SORCS2: variants seen among roughly 807,000 people sequenced by gnomAD.
The protein encoded by SORCS2 is VPS10 domain-containing receptor SorCS2.
Under a neutral mutation model 141.6 loss-of-function variants are expected in SORCS2, and 100 were observed. The observed-to-expected ratio is 0.71, with a 90% CI of 0.60 to 0.83. The LOEUF (loss-of-function observed/expected upper bound fraction) is 0.83. Ranked by LOEUF, SORCS2 falls within the 40% of genes least tolerant of loss-of-function variation. The pLI is 0.00. For missense variants in SORCS2, 1,646 were observed against 1,560.2 expected (o/e 1.05, Z -0.93); for synonymous variants, 789 against 676.9 (o/e 1.17, Z -2.57).
intron 26 of SORCS2, 39 bp from the exon 27 acceptor site, chr4:7,740,161 G>A (rs1477253049): frequency 6.3e-7 from 1 of 1,577,576 alleles, no homozygotes; most frequent in South Asian, 1.1e-5. Context: ...CCAGTCCCGG[G>A]CTTGTGCTCA....
chr4:7,534,213 G>C (rs963651913), intron 3 of SORCS2, among the ~76,000 whole-genome samples: 1 of 152,220 alleles, frequency 6.6e-6, no homozygotes, highest in Non-Finnish European at 1.5e-5. Context: ...GTGTGCTGCC[G>C]AGTGGACACT....
chr4:7,510,963 C>T (rs1157295325), intron 2 of SORCS2, among the ~76,000 whole-genome samples: 1 of 152,194 alleles, frequency 6.6e-6, no homozygotes, highest in Non-Finnish European at 1.5e-5. Context: ...CAGGGAGGTT[C>T]GAGGCCGGAA....
chr4:7,663,557 C>T lies in SORCS2; in HGVS notation c.953-796C>T, dbSNP rs146208707. ...GCCCACGTACCCTCTGTGTACACTG[C>T]CTTCTGCCTCCTCTGAACAGACCGG... On this transcript the variant is annotated intron_variant, in intron 6 of 26. Transcript: ENST00000507866. The surrounding 1 kb of genome is among the most constrained non-coding windows in gnomAD (Gnocchi z 4.8). 7.2e-5 allele frequency among the ~76,000 whole-genome samples: 11 copies of T among 152,352 alleles called. No homozygotes were observed. The East Asian group carries it at 2.1e-3, about 29-fold the overall frequency.
At chr4:7,431,901 A>C (rs1360178852) in intron 2 of SORCS2, 1 of 152,116 alleles carries the variant, frequency 6.6e-6, no homozygotes, top group Non-Finnish European at 1.5e-5. Context: ...CGCACCTCTT[A>C]CTCAAGAGGA....
intron 3 of SORCS2, among the ~76,000 whole-genome samples, chr4:7,535,542 T>C (rs916302009): frequency 6.6e-6 from 1 of 152,230 alleles, no homozygotes; most frequent in Admixed American, 6.5e-5. Flanking sequence ...GCAGCATCTA[T>C]ACTGTAAGGC....
intron 2 of SORCS2, among the ~76,000 whole-genome samples, chr4:7,470,456 G>T (rs1265618959): frequency 6.6e-6 from 1 of 152,190 alleles, no homozygotes; most frequent in Non-Finnish European, 1.5e-5. Context: ...CATCCAGGTG[G>T]GATAGGGATG....
At chr4:7,609,455 C>A (rs891533266) in intron 3 of SORCS2, among the ~76,000 whole-genome samples, 1 of 152,210 alleles carries the variant, frequency 6.6e-6, no homozygotes, top group African/African-American at 2.4e-5. Context: ...CCATCCTCAG[C>A]CCTCGTCAAC....
intron 13 of SORCS2, 52 bp from the exon 14 acceptor site, chr4:7,704,125 A>T: frequency 6.5e-7 from 1 of 1,543,062 alleles, no homozygotes; most frequent in Admixed American, 1.9e-5. Flanking sequence ...AGTCCCAGAC[A>T]CAGGGAGCTT....
rs563145797 is a variant in SORCS2, at chr4:7,428,338, G to A, written c.548+31983G>A. 5.3e-5 allele frequency among the ~76,000 whole-genome samples: 8 copies of A among 152,316 alleles called. No homozygotes were observed. In the South Asian group the frequency reaches 1.5e-3, roughly 28 times the overall value. ...TGAAAGTGGTCCCAGAAGAGCCAGC[G>A]TTCATTCGCTCATCCTGTGCTCATG... On this transcript the variant is annotated intron_variant, in intron 2 of 26. Coordinates refer to ENST00000507866, the MANE Select transcript of SORCS2 (RefSeq NM_020777.3).
At chr4:7,204,026 T>G (rs1418442968) in intron 1 of SORCS2, among the ~76,000 whole-genome samples, 1 of 152,214 alleles carries the variant, frequency 6.6e-6, no homozygotes, top group East Asian at 1.9e-4. Context: ...AATATTCCAC[T>G]GTATGGACAC....
intron 1 of SORCS2, among the ~76,000 whole-genome samples, chr4:7,360,920 C>T (rs17757615): frequency 0.05 from 7,551 of 152,050 alleles, 215 homozygotes; most frequent in East Asian, 0.091. Context: ...TCTTTGGAGG[C>T]AGGAGCACAA....
At chr4:7,729,752 A>G (rs1215760544) in intron 23 of SORCS2, 40 bp downstream of exon 23, 1 of 1,594,044 alleles carries the variant, frequency 6.3e-7, no homozygotes, top group Non-Finnish European at 8.6e-7. Flanking sequence ...TCCTCCCTGC[A>G]CATCCCAGGG....
At chr4:7,331,693 C>T (rs1460301408) in intron 1 of SORCS2, among the ~76,000 whole-genome samples, 1 of 152,100 alleles carries the variant, frequency 6.6e-6, no homozygotes, top group South Asian at 2.1e-4. Context: ...TTCAGTGGGT[C>T]GGGGTGAAGC....
intron 3 of SORCS2, among the ~76,000 whole-genome samples, chr4:7,567,378 C>CA (rs1359543201): frequency 6.8e-6 from 1 of 147,530 alleles, no homozygotes; most frequent in Non-Finnish European, 1.5e-5. Flanking sequence ...CTGGCTGTGA[C>CA]AGTTTCTCAG....
At chr4:7,452,859 T>TGTGTTGGGGTCAGGTGCC (rs1560296684) in intron 2 of SORCS2, among the ~76,000 whole-genome samples, 15 of 137,680 alleles carry the variant, frequency 1.1e-4, no homozygotes, top group African/African-American at 3.2e-4. Context: ...GGTCAGGTGC[T>TGTGTTGGGGTCAGGTGCC]GTGTTGGGGT....
At chr4:7,207,367 G>A (rs1023965464) in intron 1 of SORCS2, among the ~76,000 whole-genome samples, 1 of 152,250 alleles carries the variant, frequency 6.6e-6, no homozygotes, top group African/African-American at 2.4e-5. Context: ...GCCGGGAGCC[G>A]ACGTGAGTCA....
At chr4:7,255,783 G>A (rs771331605) in intron 1 of SORCS2, among the ~76,000 whole-genome samples, 21 of 152,104 alleles carry the variant, frequency 1.4e-4, no homozygotes, top group Non-Finnish European at 2.4e-4. Context: ...CCTGGGCAGA[G>A]CGGCTGTGCA....
intron 1 of SORCS2, among the ~76,000 whole-genome samples, chr4:7,209,424 C>T (rs189828815): frequency 6.6e-6 from 1 of 152,112 alleles, no homozygotes; most frequent in Non-Finnish European, 1.5e-5. Context: ...ACTTGGGAGG[C>T]TGTGTAGAGA....
chr4:7,457,642 C>T (rs1433010852), intron 2 of SORCS2, among the ~76,000 whole-genome samples: 3 of 151,346 alleles, frequency 2.0e-5, no homozygotes, highest in African/African-American at 7.3e-5. Flanking sequence ...AGGTATAAGC[C>T]GTGGCCAGAG....
Sources: allele counts gnomAD v4.1 joint callset (sites outside exome capture counted in the v4.1 genomes callset), GRCh38; gene constraint gnomAD v4.1.1; non-coding constraint Gnocchi (gnomAD v3.1); transcripts MANE v1.5; gene names NCBI Gene and HGNC (gene_info 2026-07-23, HGNC 2026-07-21).